The following RASSF6 variants were observed in gnomAD, a reference collection of about 807,000 sequenced individuals.
RASSF6 encodes the protein Ras association domain family member 6.
Under a neutral mutation model 44.0 loss-of-function variants are expected in RASSF6, and 52 were observed. The observed-to-expected ratio is 1.18, with a 90% CI of 0.95 to 1.49. RASSF6 has a LOEUF of 1.49. RASSF6 is among the 40% of genes most tolerant of loss of function. RASSF6 has a pLI of 0.00. For missense variants in RASSF6, 464 were observed against 393.3 expected (o/e 1.18, Z -1.52); for synonymous variants, 162 against 124.6 (o/e 1.30, Z -2.00).
Position 73,576,703 on chromosome 4 carries a change from A to C in RASSF6, c.750T>G (p.Ile250Met). Residue 250 changes from isoleucine to methionine, a missense_variant, in exon 9 of 11, where the codon ATT becomes ATG. Physicochemically the swap from Ile to Met is conservative, Grantham distance 10. Coordinates refer to ENST00000307439, the MANE Select transcript of RASSF6 (RefSeq NM_177532.5). Reference protein sequence around the residue: ...GEQRRLKKTDIPLLQRLLQGP... With the variant: ...GEQRRLKKTDMPLLQRLLQGP... ...CCTGTAGGAGCCTCTGCAGTAGCGG[A>C]ATGTCTGTCTTCTTTAGTCGTCTTT... 1.9e-6 allele frequency: 3 copies of C among 1,612,340 alleles called. No homozygotes were observed. Among genetic ancestry groups the C allele is most frequent in the Non-Finnish European group, 2.5e-6 (3 of 1,178,802 alleles).
At position 73,575,226 on chromosome 4, in the gene RASSF6, C is replaced by T. The variant is rs1158183226; in HGVS notation, c.*1009G>A. On this transcript the variant is annotated 3_prime_UTR_variant, in exon 11 of 11. Transcript: ENST00000307439. ...TAGTTTACAGAATGAAAGAATGTTG[C>T]ATATAATTCCATTTTAATACAGAAT... is the stretch of plus-strand genomic sequence containing the variant. 2 of 151,944 alleles carry T rather than the reference C, an allele frequency of 1.3e-5. No individual in the cohort carries two copies. The highest frequency in any genetic ancestry group is 4.8e-5 in the African/African-American group (2 of 41,380). The allele number at this position is 151,944 out of a possible 1,614,324, so 9.4% of individuals were successfully genotyped here.
intron 2 of RASSF6, among the ~76,000 whole-genome samples, chr4:73,608,396 T>C (rs973024702): frequency 1.3e-5 from 2 of 152,146 alleles, no homozygotes; most frequent in African/African-American, 4.8e-5. Context: ...ATATGCTTAT[T>C]GAAAAATATC....
intron 2 of RASSF6, among the ~76,000 whole-genome samples, chr4:73,609,831 C>T (rs1725882831): frequency 6.6e-6 from 1 of 152,024 alleles, no homozygotes; most frequent in South Asian, 2.1e-4. Context: ...CAGAGATTTC[C>T]CCTAGCTCCA....
chr4:73,585,203 T>C lies in RASSF6; in HGVS notation c.544A>G (p.Asn182Asp). 6.2e-7 allele frequency: 1 copy of C among 1,608,376 alleles called. No individual in the cohort carries two copies. The highest frequency in any genetic ancestry group is 8.5e-7 in the Non-Finnish European group (1 of 1,177,658). Residue 182 changes from asparagine (N) to aspartate (D), a missense_variant, in exon 6 of 11, where the codon AAT (asparagine) becomes GAT (aspartate). Coordinates refer to ENST00000307439, the MANE Select transcript of RASSF6 (RefSeq NM_177532.5). ...KERQKNRASI[N>D]GHFYNHETSI... ...ACTTCATGGTTATAGAAGTGTCCAT[T>C]AATAGAGGCTCTATTTTTCTGTCTT...
At position 73,572,576 on chromosome 4, in the gene RASSF6, C is replaced by A. The variant is rs1427694766; in HGVS notation, c.*3659G>T. 1 of 152,042 alleles carries A rather than the reference C, an allele frequency of 6.6e-6. No homozygotes were observed. Among genetic ancestry groups the A allele is most frequent in the Non-Finnish European group, 1.5e-5 (1 of 68,002 alleles). The allele number at this position is 152,042 out of a possible 1,614,324, so 9.4% of individuals were successfully genotyped here. A position where few individuals can be genotyped will look rare whatever the true frequency, so the allele number is the denominator to read the frequency against. On this transcript the variant is annotated 3_prime_UTR_variant, in exon 11 of 11. Transcript: ENST00000307439. ...AAGACGTAAGTCACTAAGTCCAGCC[C>A]ATTTTCAGGATGAGGAAGATTAAGC...
At chr4:73,590,709 C>A (rs561145049) in intron 4 of RASSF6, among the ~76,000 whole-genome samples, 1 of 152,342 alleles carries the variant, frequency 6.6e-6, no homozygotes, top group Admixed American at 6.5e-5. Flanking sequence ...TAATTAATGA[C>A]AACCAAATCT....
In RASSF6 at chr4:73,571,731, T is replaced by C. The variant is rs992764986; in HGVS notation, c.*4504A>G. 2 of 151,946 alleles carry C rather than the reference T, an allele frequency of 1.3e-5. No individual in the cohort carries two copies. The highest frequency in any genetic ancestry group is 4.8e-5 in the African/African-American group (2 of 41,404). 9.4% of individuals were successfully genotyped at this position (151,946 alleles called of 1,614,324 possible). ...AGCACATCCTACGCACAAGACACAA[T>C]ATTAGGTACAGAAAAGCTATAAAGA... On this transcript the variant is annotated 3_prime_UTR_variant, in exon 11 of 11. Coordinates refer to ENST00000307439, the MANE Select transcript of RASSF6 (RefSeq NM_177532.5).
intron 5 of RASSF6, among the ~76,000 whole-genome samples, chr4:73,586,041 A>T (rs1358215434): frequency 7.5e-6 from 1 of 133,396 alleles, no homozygotes; most frequent in Non-Finnish European, 1.5e-5. Context: ...TAAAAAATAA[A>T]CACTGGGCCT....
rs771739576 is a variant in RASSF6, at chr4:73,587,839, C to G, written c.382+1G>C. ...CCAATCAATAAGATTTTGATACTGA[C>G]CTTCCTGGGAATTCCTTTTTTCAGA... is the stretch of plus-strand genomic sequence containing the variant. On this transcript the variant is annotated splice_donor_variant, in intron 5 of 10. Coordinates refer to ENST00000307439, the MANE Select transcript of RASSF6 (RefSeq NM_177532.5). LOFTEE classifies it high-confidence loss of function. The G allele has an allele frequency of 2.5e-6, 4 of 1,593,844 alleles. No individual in the cohort carries two copies. Among genetic ancestry groups the G allele is most frequent in the African/African-American group, 1.3e-5 (1 of 74,570 alleles).
chr4:73,581,665 T>C (rs1723657175), intron 8 of RASSF6, 152 bp downstream of exon 8: 3 of 506,932 alleles, frequency 5.9e-6, no homozygotes, highest in Non-Finnish European at 1.1e-5. Flanking sequence ...TTGTGGACTA[T>C]AGATAATGTT....
intron 1 of RASSF6, among the ~76,000 whole-genome samples, chr4:73,616,393 T>C (rs927813811): frequency 6.6e-6 from 1 of 152,186 alleles, no homozygotes; most frequent in African/African-American, 2.4e-5. Flanking sequence ...TCTCTAACCA[T>C]ATTTTATTTT....
At chr4:73,589,355 A>C (rs1724350837) in intron 4 of RASSF6, among the ~76,000 whole-genome samples, 2 of 152,136 alleles carry the variant, frequency 1.3e-5, no homozygotes, top group South Asian at 4.1e-4. Context: ...AATAATCAGA[A>C]AGTGGCAGAC....
chr4:73,615,802 G>A lies in RASSF6; in HGVS notation c.-34-3973C>T. The A allele has an allele frequency of 7.6e-6, 8 of 1,048,890 alleles. No homozygotes were observed. The South Asian group carries it at 1.1e-4, about 14-fold the overall frequency. 65.0% of individuals were successfully genotyped at this position (1,048,890 alleles called of 1,614,324 possible). On this transcript the variant is annotated intron_variant, in intron 1 of 10. Transcript: ENST00000307439. ...GATGGAGCCTGAGGAGGCAGTGTTG[G>A]GCAGCATTAGCGTTCCAGCAATGCT...
intron 2 of RASSF6, among the ~76,000 whole-genome samples, chr4:73,605,507 G>T (rs1725560725): frequency 6.6e-6 from 1 of 152,118 alleles, no homozygotes; most frequent in Non-Finnish European, 1.5e-5. Context: ...TTTCGCTTTT[G>T]GCCTCATCTG....
rs534324551 is a variant in RASSF6, at chr4:73,571,824, A to G, written c.*4411T>C. 8 of 152,280 alleles carry G rather than the reference A, an allele frequency of 5.3e-5. No individual in the cohort carries two copies. The highest frequency in any genetic ancestry group is 2.1e-4 in the South Asian group (1 of 4,832). 9.4% of individuals were successfully genotyped at this position (152,280 alleles called of 1,614,324 possible). ...TCTAAAATTTAATTTGAGCTAATAT[A>G]TAACTGACAATGAAATATTTGGACC... is the stretch of plus-strand genomic sequence containing the variant. On this transcript the variant is annotated 3_prime_UTR_variant, in exon 11 of 11. Transcript: ENST00000307439.
Position 73,574,682 on chromosome 4 carries a change from A to C in RASSF6, c.*1553T>G, listed in dbSNP as rs1723102316. 6.6e-6 allele frequency: 1 copy of C among 152,076 alleles called. No homozygotes were observed. Among genetic ancestry groups the C allele is most frequent in the Non-Finnish European group, 1.5e-5 (1 of 68,022 alleles). 9.4% of individuals were successfully genotyped at this position (152,076 alleles called of 1,614,324 possible). A position where few individuals can be genotyped will look rare whatever the true frequency, so the allele number is the denominator to read the frequency against. On this transcript the variant is annotated 3_prime_UTR_variant, in exon 11 of 11. Coordinates refer to ENST00000307439, the MANE Select transcript of RASSF6 (RefSeq NM_177532.5). Reference sequence around the variant, plus strand: ...TCTTCTGATTGATACAGACTAACACAGTTGTTCACTGTTAAGATACGACTT... The same window carrying C: ...TCTTCTGATTGATACAGACTAACACCGTTGTTCACTGTTAAGATACGACTT...
At chr4:73,609,265 CT>C (rs1289427658) in intron 2 of RASSF6, among the ~76,000 whole-genome samples, 1 of 152,052 alleles carries the variant, frequency 6.6e-6, no homozygotes, top group African/African-American at 2.4e-5. Flanking sequence ...AGCCTATGAC[CT>C]AAAGTGAAAA....
intron 2 of RASSF6, among the ~76,000 whole-genome samples, chr4:73,600,179 A>G (rs888543998): frequency 6.6e-6 from 1 of 152,018 alleles, no homozygotes; most frequent in African/African-American, 2.4e-5. Context: ...TATTTTACTT[A>G]TTTCCTTATG....
intron 2 of RASSF6, among the ~76,000 whole-genome samples, chr4:73,599,195 C>T (rs140967866): frequency 1.3e-5 from 2 of 152,330 alleles, no homozygotes; most frequent in African/African-American, 4.8e-5. Context: ...TGAATTTCCA[C>T]AGCTGTGAAA....
Sources: gnomAD v4.1 joint callset for allele counts (sites outside exome capture counted in the v4.1 genomes callset) on GRCh38, gnomAD v4.1.1 for gene constraint, MANE v1.5 for transcripts, NCBI Gene and HGNC (gene_info 2026-07-23, HGNC 2026-07-21) for gene names.